The following ADGRG6 variants were observed in gnomAD, a reference collection of about 807,000 sequenced individuals.
The protein encoded by ADGRG6 is adhesion G protein-coupled receptor G6.
In ADGRG6, 84 loss-of-function variants were observed where a neutral mutation model predicts 142.4. That is an observed-to-expected ratio of 0.59 (90% CI 0.49 to 0.71). ADGRG6 has a LOEUF of 0.71. ADGRG6 is among the 30% of genes least tolerant of loss of function. The probability of loss-of-function intolerance (pLI) is 0.00; values close to 1 mark genes in which losing one functional copy is unlikely to be tolerated. For synonymous variants in ADGRG6, 521 were observed against 520.5 expected (o/e 1.00, Z -0.01); for missense variants, 1,367 against 1,466.6 (o/e 0.93, Z 1.11).
At chr6:142,398,520 T>A (rs1269484843) in intron 10 of ADGRG6, among the ~76,000 whole-genome samples, 1 of 152,194 alleles carries the variant, frequency 6.6e-6, no homozygotes, top group Non-Finnish European at 1.5e-5. Flanking sequence ...ATGTAGGGAT[T>A]CTGTTGGACC....
chr6:142,338,150 A>G (rs942888811), intron 2 of ADGRG6, among the ~76,000 whole-genome samples: 46 of 150,322 alleles, frequency 3.1e-4, no homozygotes, highest in African/African-American at 1.1e-3. Flanking sequence ...CCTCCCGAGT[A>G]GCTGCGACTA....
chr6:142,307,267 A>G (rs1777546605), intron 1 of ADGRG6, among the ~76,000 whole-genome samples: 1 of 152,070 alleles, frequency 6.6e-6, no homozygotes, highest in Non-Finnish European at 1.5e-5. Flanking sequence ...GAGCTGATAC[A>G]TCCTTCTGTT....
At chr6:142,313,790 A>G (rs1188317676) in intron 2 of ADGRG6, among the ~76,000 whole-genome samples, 1 of 152,198 alleles carries the variant, frequency 6.6e-6, no homozygotes, top group Non-Finnish European at 1.5e-5. Context: ...ATTATTTAGT[A>G]TCAATTACAT....
chr6:142,408,327 G>A, intron 16 of ADGRG6, 58 bp downstream of exon 16: 3 of 1,336,444 alleles, frequency 2.2e-6, no homozygotes, highest in Non-Finnish European at 3.0e-6. Context: ...TATACTAGTG[G>A]GGCCTTTTTT....
chr6:142,338,657 C>A (rs1432756095), intron 2 of ADGRG6, among the ~76,000 whole-genome samples: 1 of 151,920 alleles, frequency 6.6e-6, no homozygotes, highest in Admixed American at 6.6e-5. Context: ...ATACTCAGCA[C>A]AAATTGTACT....
chr6:142,415,647 A>T, intron 19 of ADGRG6, 149 bp from the exon 20 acceptor site: 1 of 599,710 alleles, frequency 1.7e-6, no homozygotes, highest in Non-Finnish European at 2.9e-6. Flanking sequence ...AAATATCCTT[A>T]GCCCCTCCTT....
At chr6:142,406,832 C>T (rs534155991) in intron 15 of ADGRG6, among the ~76,000 whole-genome samples, 33 of 152,160 alleles carry the variant, frequency 2.2e-4, no homozygotes, top group Non-Finnish European at 2.1e-4. Flanking sequence ...AAGTGTATGA[C>T]AATGTTACCT....
At position 142,438,277 on chromosome 6, in the gene ADGRG6, T is replaced by TG. The variant is rs773832114; in HGVS notation, c.3487_3488insG (p.Ser1163CysfsTer16). Reference sequence around the variant, plus strand: ...TGATAATCTAGGAAAATCTTTGTCTTCAAGCTCCATTGGTTCCAACTCAAC... The same window carrying TG: ...TGATAATCTAGGAAAATCTTTGTCTTGCAAGCTCCATTGGTTCCAACTCAAC... On this transcript the variant is annotated frameshift_variant, in exon 24 of 25. Coordinates refer to ENST00000367609, the MANE Select transcript of ADGRG6 (RefSeq NM_198569.3). LOFTEE classifies it high-confidence loss of function. The TG allele has an allele frequency of 6.2e-7, 1 of 1,604,810 alleles. No homozygotes were observed. Among genetic ancestry groups the TG allele is most frequent in the Non-Finnish European group, 8.5e-7 (1 of 1,173,212 alleles).
intron 21 of ADGRG6, among the ~76,000 whole-genome samples, chr6:142,417,618 C>T (rs527905207): frequency 4.6e-5 from 7 of 152,212 alleles, no homozygotes; most frequent in African/African-American, 1.4e-4. Flanking sequence ...GTTTTTTAGC[C>T]TCAGAAGACC....
Position 142,381,973 on chromosome 6 carries a change from A to C in ADGRG6, c.1092A>C (p.Pro364=). 6.2e-7 allele frequency: 1 copy of C among 1,606,482 alleles called. No homozygotes were observed. Among genetic ancestry groups the C allele is most frequent in the South Asian group, 1.1e-5 (1 of 89,664 alleles). Residue 364 remains proline, a synonymous_variant, in exon 5 of 25, where the codon CCA becomes CCC. Coordinates refer to ENST00000367609, the MANE Select transcript of ADGRG6 (RefSeq NM_198569.3). ...LSCGSYLIPL[P]AAELASCADL... is the part of the protein sequence containing the mutation. The stretch of plus-strand genomic sequence containing the variant: ...AAGGTTCCTACCTGATCCCGCTCCC[A>C]GCAGCAGAACTGGCCAGCTGTGCAG...
At chr6:142,397,018 C>T (rs1235761536) in intron 9 of ADGRG6, among the ~76,000 whole-genome samples, 1 of 152,056 alleles carries the variant, frequency 6.6e-6, no homozygotes, top group Non-Finnish European at 1.5e-5. Context: ...TGACCAATCA[C>T]AGAGTCGATT....
intron 22 of ADGRG6, among the ~76,000 whole-genome samples, chr6:142,434,405 A>G (rs1228530180): frequency 6.6e-6 from 1 of 151,830 alleles, no homozygotes; most frequent in Non-Finnish European, 1.5e-5. Flanking sequence ...GCTCACTGCA[A>G]CCTCCGCCTC....
intron 1 of ADGRG6, among the ~76,000 whole-genome samples, chr6:142,306,090 A>G (rs1026138064): frequency 1.3e-5 from 2 of 152,214 alleles, no homozygotes; most frequent in African/African-American, 4.8e-5. Context: ...GAGTTGGGAT[A>G]TGGCGAAAGC....
chr6:142,392,418 AT>A (rs1774940215), intron 7 of ADGRG6, among the ~76,000 whole-genome samples: 1 of 151,936 alleles, frequency 6.6e-6, no homozygotes, highest in South Asian at 2.1e-4. Flanking sequence ...AACTTATTTT[AT>A]TTTTTTAATT....
rs778631441 is a variant in ADGRG6, at chr6:142,370,175, G to A, written c.451G>A (p.Val151Met). The A allele has an allele frequency of 2.3e-5, 37 of 1,592,280 alleles. No individual in the cohort carries two copies. The highest frequency in any genetic ancestry group is 4.5e-5 in the East Asian group (2 of 44,326). The change falls in exon 4 of 25, where the codon GTG (valine) becomes ATG (methionine). Residue 151 changes from valine (V) to methionine (M), a missense_variant. This residue lies in a region of ADGRG6 where 737 missense variants were observed against 746.5 expected (regional missense o/e 0.99). Transcript: ENST00000367609. ...GFNASYIRVAVSLRNQKVILP... is the reference protein window; with the variant it reads ...GFNASYIRVAMSLRNQKVILP... ...CTTGTTATGTTTTGTCCTAGTTGCC[G>A]TGTCCTTAAGGAATCAAAAGGTCAT...
chr6:142,364,467 C>T (rs767724806), intron 2 of ADGRG6, among the ~76,000 whole-genome samples: 2 of 152,034 alleles, frequency 1.3e-5, no homozygotes, highest in African/African-American at 2.4e-5. Flanking sequence ...GCTATTTTAC[C>T]TCTCTTAAAA....
At chr6:142,424,949 A>G (rs1419491500) in intron 22 of ADGRG6, among the ~76,000 whole-genome samples, 1 of 152,160 alleles carries the variant, frequency 6.6e-6, no homozygotes, top group Non-Finnish European at 1.5e-5. Context: ...TGGGAGTAAG[A>G]GTAGGAAGAA....
At chr6:142,378,442 A>C (rs1413962795) in intron 4 of ADGRG6, among the ~76,000 whole-genome samples, 2 of 152,178 alleles carry the variant, frequency 1.3e-5, no homozygotes, top group African/African-American at 4.8e-5. Context: ...AAGGCTTTTT[A>C]GTTTGCGGAA....
At chr6:142,437,752 A>T (rs1219525364) in intron 23 of ADGRG6, among the ~76,000 whole-genome samples, 2 of 152,128 alleles carry the variant, frequency 1.3e-5, no homozygotes, top group African/African-American at 4.8e-5. Context: ...CATGAATTCC[A>T]TACAAGTTAA....
Sources: allele counts gnomAD v4.1 joint callset (sites outside exome capture counted in the v4.1 genomes callset), GRCh38; gene constraint gnomAD v4.1.1; regional missense constraint gnomAD v4.1.1; transcripts MANE v1.5; gene names NCBI Gene and HGNC (gene_info 2026-07-23, HGNC 2026-07-21).